CPNE4: variants seen among roughly 807,000 people sequenced by gnomAD.
CPNE4 encodes copine-4.
CPNE4 carries 25 observed loss-of-function variants against 67.9 expected under a neutral mutation model. That is an observed-to-expected ratio of 0.37 (90% CI 0.27 to 0.51). The LOEUF (loss-of-function observed/expected upper bound fraction) is 0.51, where lower values mean the gene tolerates loss of function less well. CPNE4 is among the 20% of genes least tolerant of loss of function. The pLI, the probability that CPNE4 is intolerant of heterozygous loss-of-function variation, is 0.93. For synonymous variants in CPNE4, 242 were observed against 244.9 expected (o/e 0.99, Z 0.11); for missense variants, 464 against 690.8 (o/e 0.67, Z 3.68).
At position 131,953,252 on chromosome 3, in the gene CPNE4, A is replaced by ATAAAT. The variant is rs1553813424; in HGVS notation, c.-1-47809_-1-47808insATTTA. 1.4e-3 allele frequency among the ~76,000 whole-genome samples: 201 copies of ATAAAT among 144,012 alleles called. 3 individuals are homozygous for ATAAAT. Among genetic ancestry groups the ATAAAT allele is most frequent in the East Asian group, 1.6e-3 (8 of 5,042 alleles). The allele number at this position is 144,012 out of a possible 152,430, so 94.5% of individuals were successfully genotyped here. A position where few individuals can be genotyped will look rare whatever the true frequency, so the allele number is the denominator to read the frequency against. The stretch of plus-strand genomic sequence containing the variant: ...AGAATGATCAATTAAAAAAAAAAAA[A>ATAAAT]AAAAAAAAAAAAAAGAATGGTGAAA... On this transcript the variant is annotated intron_variant, in intron 1 of 15. Transcript: ENST00000429747.
chr3:131,970,157 C>T (rs2072463504), intron 1 of CPNE4, among the ~76,000 whole-genome samples: 1 of 152,140 alleles, frequency 6.6e-6, no homozygotes, highest in Non-Finnish European at 1.5e-5. Context: ...ATATGAGCTG[C>T]CATTTCCCTT....
intron 7 of CPNE4, among the ~76,000 whole-genome samples, chr3:131,622,177 G>T (rs941974294): frequency 6.6e-6 from 1 of 151,986 alleles, no homozygotes; most frequent in Non-Finnish European, 1.5e-5. Flanking sequence ...TGTAAGCATT[G>T]GCCTCATATA....
intron 2 of CPNE4, among the ~76,000 whole-genome samples, chr3:131,862,699 TTA>T (rs72370844): frequency 1.0e-4 from 14 of 138,412 alleles, no homozygotes; most frequent in East Asian, 2.4e-4. Context: ...TTTTAAGTTC[TTA>T]TATATATATA....
chr3:131,889,461 C>T (rs1367155517), intron 2 of CPNE4, among the ~76,000 whole-genome samples: 27 of 152,210 alleles, frequency 1.8e-4, no homozygotes, highest in Admixed American at 1.8e-3. Context: ...GCTGCTACAA[C>T]AGCCTCCTAA....
At chr3:131,675,110 G>A (rs1383715509) in intron 6 of CPNE4, among the ~76,000 whole-genome samples, 2 of 152,038 alleles carry the variant, frequency 1.3e-5, no homozygotes, top group South Asian at 2.1e-4. Context: ...CCATGTATTT[G>A]TACAGTTTCC....
chr3:131,637,232 T>C (rs911145435), intron 7 of CPNE4, among the ~76,000 whole-genome samples: 3 of 152,142 alleles, frequency 2.0e-5, no homozygotes, highest in Non-Finnish European at 2.9e-5. Context: ...AGGTTGATTA[T>C]CAAGCTAATC....
At chr3:131,723,651 C>T (rs893712192) in intron 2 of CPNE4, 26 bp from the exon 3 acceptor site, 1 of 1,589,422 alleles carries the variant, frequency 6.3e-7, no homozygotes, top group Middle Eastern at 1.7e-4. Context: ...GAAAACCTAT[C>T]AGAGATAAGG....
chr3:131,958,232 A>G (rs1447710483), intron 1 of CPNE4, among the ~76,000 whole-genome samples: 2 of 152,192 alleles, frequency 1.3e-5, no homozygotes, highest in Non-Finnish European at 2.9e-5. Context: ...GGTATAGATG[A>G]GCAATAAATA....
chr3:131,559,816 C>G (rs1490276224), intron 11 of CPNE4, among the ~76,000 whole-genome samples: 1 of 151,896 alleles, frequency 6.6e-6, no homozygotes, highest in Admixed American at 6.6e-5. Context: ...TGGTGGATAT[C>G]AAATAGTTAC....
At chr3:131,727,249 T>C (rs889848343) in intron 2 of CPNE4, among the ~76,000 whole-genome samples, 5 of 152,326 alleles carry the variant, frequency 3.3e-5, no homozygotes, top group East Asian at 1.9e-4. Context: ...TATGGTGTGA[T>C]GGTGAGAGAC....
intron 2 of CPNE4, among the ~76,000 whole-genome samples, chr3:131,896,744 T>A (rs1364238165): frequency 6.6e-6 from 1 of 152,082 alleles, no homozygotes; most frequent in Non-Finnish European, 1.5e-5. Context: ...ACTTGATACC[T>A]CCTGGTGCCA....
chr3:131,934,038 G>A (rs938504404), intron 1 of CPNE4, among the ~76,000 whole-genome samples: 1 of 152,172 alleles, frequency 6.6e-6, no homozygotes, highest in Non-Finnish European at 1.5e-5. Context: ...TTTATAGTGT[G>A]AGCTGCTAGA....
Position 131,707,391 on chromosome 3 carries a change from G to T in CPNE4, c.361-7411C>A, listed in dbSNP as rs529497255. Among the ~76,000 whole-genome samples the T allele has an allele frequency of 2.0e-3, 299 of 152,212 alleles. 1 individual carries two copies. The highest frequency in any genetic ancestry group is 3.2e-3 in the Non-Finnish European group (221 of 68,012). ...TCTCCTCTGTGTCGCTAGAATTGGG[G>T]CCCACCTGGTTAATCCAGGATGACC... is the stretch of plus-strand genomic sequence containing the variant. On this transcript the variant is annotated intron_variant, in intron 3 of 15. Coordinates refer to ENST00000429747, the MANE Select transcript of CPNE4 (RefSeq NM_130808.3).
chr3:131,686,014 G>T, intron 5 of CPNE4, 56 bp from the exon 6 acceptor site: 2 of 916,052 alleles, frequency 2.2e-6, no homozygotes, highest in South Asian at 3.0e-5. Flanking sequence ...ATCTAGTCCT[G>T]ATCAATCAGG....
At chr3:132,022,575 A>T (rs199801485) in intron 1 of CPNE4, among the ~76,000 whole-genome samples, 51 of 143,166 alleles carry the variant, frequency 3.6e-4, no homozygotes, top group Admixed American at 1.8e-3. Flanking sequence ...TACAAAAAAA[A>T]AATAATAATA....
intron 2 of CPNE4, among the ~76,000 whole-genome samples, chr3:131,801,442 G>GTATATATATATATA (rs1458010843): frequency 2.2e-5 from 2 of 90,756 alleles, no homozygotes; most frequent in African/African-American, 9.6e-5. Context: ...GTGTGTGTGT[G>GTATATATATATATA]TGTGTGTGTG....
intron 7 of CPNE4, among the ~76,000 whole-genome samples, chr3:131,646,013 G>T (rs1582949625): frequency 6.6e-6 from 1 of 152,086 alleles, no homozygotes; most frequent in East Asian, 1.9e-4. Flanking sequence ...TAATGCAGGG[G>T]TTACTTTGTT....
chr3:131,551,858 T>A (rs1301949284), intron 13 of CPNE4, among the ~76,000 whole-genome samples: 1 of 152,034 alleles, frequency 6.6e-6, no homozygotes, highest in Non-Finnish European at 1.5e-5. Context: ...AGTTTCAATA[T>A]CATTATTTTG....
chr3:131,706,654 A>G (rs780699192), intron 3 of CPNE4, among the ~76,000 whole-genome samples: 2 of 152,222 alleles, frequency 1.3e-5, no homozygotes, highest in Non-Finnish European at 2.9e-5. Context: ...GCTGACCAGC[A>G]TTAACATCAA....
Sources: gnomAD v4.1 joint callset for allele counts (sites outside exome capture counted in the v4.1 genomes callset) on GRCh38, gnomAD v4.1.1 for gene constraint, MANE v1.5 for transcripts, NCBI Gene and HGNC (gene_info 2026-07-23, HGNC 2026-07-21) for gene names.